Variants in LGMN observed in about 807,000 individuals in gnomAD.
LGMN encodes legumain, also known as asparaginyl endopeptidase.
A neutral mutation model predicts 56.8 loss-of-function variants in LGMN; 36 were observed. The ratio of observed to expected loss-of-function variants is 0.63; its 90% CI spans 0.49 to 0.84. The LOEUF (loss-of-function observed/expected upper bound fraction) is 0.84. LGMN is among the 40% of genes least tolerant of loss of function. The pLI, the probability that LGMN is intolerant of heterozygous loss-of-function variation, is 0.00. For missense variants in LGMN, 446 were observed against 556.1 expected (o/e 0.80, Z 1.99); for synonymous variants, 199 against 210.1 (o/e 0.95, Z 0.46).
chr14:92,716,239 C>T lies in LGMN; in HGVS notation c.319-18G>A, dbSNP rs771822657. On this transcript the variant is annotated intron_variant, in intron 4 of 13. Transcript: ENST00000334869. ...GTAACATCCTACAAAGAATTAGGAGCCACAATCAGATGCAGCTGTCGCTCC... is the reference window on the plus strand; with the variant it reads ...GTAACATCCTACAAAGAATTAGGAGTCACAATCAGATGCAGCTGTCGCTCC... 39 of 1,577,278 alleles carry T rather than the reference C, an allele frequency of 2.5e-5. No homozygotes were observed. Among genetic ancestry groups the T allele is most frequent in the Non-Finnish European group, 3.4e-5 (39 of 1,146,760 alleles).
At chr14:92,734,646 GAA>G (rs58252533) in intron 1 of LGMN, among the ~76,000 whole-genome samples, 16 of 123,860 alleles carry the variant, frequency 1.3e-4, no homozygotes, top group East Asian at 4.5e-4. Context: ...TCTCAAAAAA[GAA>G]AAAAAAAAAA....
chr14:92,732,009 G>A (rs1314625227), intron 2 of LGMN, among the ~76,000 whole-genome samples: 1 of 152,110 alleles, frequency 6.6e-6, no homozygotes, highest in African/African-American at 2.4e-5. Context: ...GAAAGATGGG[G>A]GAGGAGGGTG....
At chr14:92,730,563 A>G (rs1372479678) in intron 2 of LGMN, among the ~76,000 whole-genome samples, 2 of 152,178 alleles carry the variant, frequency 1.3e-5, no homozygotes, top group Admixed American at 6.5e-5. Flanking sequence ...AGTAGCTGGG[A>G]CTACAAGCAT....
At position 92,706,518 on chromosome 14, in the gene LGMN, A is replaced by G; in HGVS notation, c.1156T>C (p.Phe386Leu). 6.3e-7 allele frequency: 1 copy of G among 1,582,534 alleles called. No homozygotes were observed. ...TGCCAGTTGAAGCAGTGGGTCCGGA[A>G]GTGCAGCAGGGCCTCTGGGTAGCAG... ...HSCYPEALLHFRTHCFNWHSP... is the reference protein window; with the variant it reads ...HSCYPEALLHLRTHCFNWHSP... The change falls in exon 12 of 14, where the codon TTC (phenylalanine) becomes CTC (leucine). Residue 386 changes from phenylalanine to leucine, a missense_variant. Transcript: ENST00000334869.
At chr14:92,713,741 C>T (rs919676090) in intron 7 of LGMN, 82 bp downstream of exon 7, 27 of 930,486 alleles carry the variant, frequency 2.9e-5, no homozygotes, top group East Asian at 9.6e-5. Context: ...AGTTGGAGGA[C>T]GGTCACGGGA....
intron 12 of LGMN, among the ~76,000 whole-genome samples, chr14:92,705,502 AAAAC>A (rs34683271): frequency 6.6e-6 from 1 of 150,630 alleles, no homozygotes; most frequent in Non-Finnish European, 1.5e-5. Flanking sequence ...AACTGTGTCT[AAAAC>A]AAACAAACAA....
rs1270161477 is a variant in LGMN at position 92,720,443 on chromosome 14, G to A, written c.139-1599C>T. ...AGCACTTTGGGAGGCTGAGGCGGGC[G>A]GATCACCTGAGGTCTGGAGTTCGAG... is the stretch of plus-strand genomic sequence containing the variant. On this transcript the variant is annotated intron_variant, in intron 2 of 13. Coordinates refer to ENST00000334869, the MANE Select transcript of LGMN (RefSeq NM_005606.7). Among the ~76,000 whole-genome samples the A allele has an allele frequency of 3.9e-5, 6 of 152,160 alleles. No individual in the cohort carries two copies. In the East Asian group the frequency reaches 5.8e-4, roughly 15 times the overall value.
At chr14:92,707,043 T>G (rs1889469245) in intron 11 of LGMN, among the ~76,000 whole-genome samples, 1 of 152,126 alleles carries the variant, frequency 6.6e-6, no homozygotes, top group Non-Finnish European at 1.5e-5. Flanking sequence ...GGGACTTTTA[T>G]TTTCTTTCCA....
chr14:92,744,514 A>G (rs1891724904), intron 1 of LGMN, among the ~76,000 whole-genome samples: 1 of 152,182 alleles, frequency 6.6e-6, no homozygotes, highest in Admixed American at 6.5e-5. Flanking sequence ...TAATGAGTTA[A>G]ATAAAATCCT....
intron 12 of LGMN, 80 bp downstream of exon 12, chr14:92,706,403 C>T (rs191618188): frequency 6.9e-5 from 85 of 1,224,362 alleles, no homozygotes; most frequent in Non-Finnish European, 8.7e-5. Flanking sequence ...TCTATAAGGT[C>T]GTACAACCAA....
intron 1 of LGMN, among the ~76,000 whole-genome samples, chr14:92,734,286 C>T (rs1218532098): frequency 2.6e-5 from 4 of 152,176 alleles, no homozygotes; most frequent in Admixed American, 6.5e-5. Flanking sequence ...ACGGCTGGTC[C>T]GGCACTCTTT....
At chr14:92,735,574 G>T (rs373055842) in intron 1 of LGMN, among the ~76,000 whole-genome samples, 2 of 152,228 alleles carry the variant, frequency 1.3e-5, no homozygotes, top group Non-Finnish European at 2.9e-5. Flanking sequence ...CTTTGATGTG[G>T]CAGAACTGCA....
At chr14:92,734,133 A>C (rs1891189182) in intron 1 of LGMN, among the ~76,000 whole-genome samples, 2 of 152,250 alleles carry the variant, frequency 1.3e-5, no homozygotes, top group African/African-American at 4.8e-5. Context: ...CTTACAGAGC[A>C]TGGACATACC....
intron 1 of LGMN, among the ~76,000 whole-genome samples, chr14:92,743,229 C>T (rs1374793358): frequency 6.6e-6 from 1 of 151,968 alleles, no homozygotes; most frequent in Non-Finnish European, 1.5e-5. Context: ...CAGGGCCGGG[C>T]AGTGGCTCAC....
chr14:92,711,377 C>G (rs1235292330), intron 10 of LGMN, among the ~76,000 whole-genome samples: 1 of 152,190 alleles, frequency 6.6e-6, no homozygotes, highest in Non-Finnish European at 1.5e-5. Flanking sequence ...CTTGCATGCT[C>G]CTAGCTACCT....
intron 2 of LGMN, among the ~76,000 whole-genome samples, chr14:92,721,154 T>C (rs937270360): frequency 6.6e-6 from 1 of 152,166 alleles, no homozygotes; most frequent in Non-Finnish European, 1.5e-5. Flanking sequence ...GGATAGAGAG[T>C]GCTTGGATTA....
At chr14:92,715,138 A>G (rs1890002459) in intron 5 of LGMN, among the ~76,000 whole-genome samples, 1 of 151,390 alleles carries the variant, frequency 6.6e-6, no homozygotes, top group African/African-American at 2.4e-5. Context: ...AGCTGGGATT[A>G]TAGGCACACG....
Position 92,716,143 on chromosome 14 carries a change from G to C in LGMN, c.397C>G (p.Leu133Val). ...TCCGTAAACAGACATTACCTCTTCAGGACTTTGCCGGATCCTATGCCCTTC... is the reference window on the plus strand; with the variant it reads ...TCCGTAAACAGACATTACCTCTTCACGACTTTGCCGGATCCTATGCCCTTC... Reference protein sequence around the residue: ...AVKGIGSGKVLKSGPQDHVFI... With the variant: ...AVKGIGSGKVVKSGPQDHVFI... The change falls in exon 5 of 14, where the codon CTG becomes GTG. Residue 133 changes from leucine to valine, a missense_variant. Physicochemically the swap from Leu to Val is conservative, Grantham distance 32. Coordinates refer to ENST00000334869, the MANE Select transcript of LGMN (RefSeq NM_005606.7). 6.2e-7 allele frequency: 1 copy of C among 1,609,698 alleles called. No homozygotes were observed. The highest frequency in any genetic ancestry group is 2.2e-5 in the East Asian group (1 of 44,834).
At chr14:92,742,291 G>GT (rs1891592891) in intron 1 of LGMN, among the ~76,000 whole-genome samples, 1 of 127,470 alleles carries the variant, frequency 7.8e-6, no homozygotes. Context: ...TTTTTGTTTT[G>GT]CTTTTTTTTT....
Sources: gnomAD v4.1 joint callset for allele counts (sites outside exome capture counted in the v4.1 genomes callset) on GRCh38, gnomAD v4.1.1 for gene constraint, MANE v1.5 for transcripts, NCBI Gene and HGNC (gene_info 2026-07-23, HGNC 2026-07-21) for gene names.